Variants in CASZ1 observed in about 807,000 individuals in gnomAD.
CASZ1 encodes the protein zinc finger protein castor homolog 1.
A neutral mutation model predicts 135.2 loss-of-function variants in CASZ1; 28 were observed. That is an observed-to-expected ratio of 0.21 (90% CI 0.15 to 0.28). CASZ1 has a LOEUF of 0.28. Among genes scored for constraint, CASZ1 ranks in the 10% least tolerant of loss-of-function variants. The pLI is 1.00. For synonymous variants in CASZ1, 1,068 were observed against 1,073.4 expected, an observed-to-expected ratio of 0.99 and a Z score of 0.10; for missense variants, 2,161 against 2,453.3, an observed-to-expected ratio of 0.88 and a Z score of 2.52.
chr1:10,738,025 G>A (rs1343887955), intron 2 of CASZ1, among the ~76,000 whole-genome samples: 1 of 152,212 alleles, frequency 6.6e-6, no homozygotes, highest in Non-Finnish European at 1.5e-5. Context: ...AAGTGCCGGT[G>A]GGGCAGCCCC....
chr1:10,675,792 A>ACCCCCCCCCCC (rs373360825), intron 4 of CASZ1, among the ~76,000 whole-genome samples: 8 of 106,488 alleles, frequency 7.5e-5, no homozygotes, highest in Non-Finnish European at 1.2e-4. Context: ...CTAGCACATG[A>ACCCCCCCCCCC]CCCCCCCCCC....
At chr1:10,793,916 G>A (rs1641009863) in intron 1 of CASZ1, among the ~76,000 whole-genome samples, 1 of 152,158 alleles carries the variant, frequency 6.6e-6, no homozygotes, top group African/African-American at 2.4e-5. Flanking sequence ...GCGGGCGGCC[G>A]GAGATTGCGC....
chr1:10,660,882 C>G (rs1643001263), intron 5 of CASZ1: 1 of 287,692 alleles, frequency 3.5e-6, no homozygotes, highest in African/African-American at 2.2e-5. Context: ...AGTCATTTTA[C>G]TGGAAGTAAG....
chr1:10,669,188 G>A (rs945285009), intron 4 of CASZ1, among the ~76,000 whole-genome samples: 1 of 152,188 alleles, frequency 6.6e-6, no homozygotes, highest in Non-Finnish European at 1.5e-5. Context: ...TTTCATAGAG[G>A]AGGAGGCTGT....
At chr1:10,664,784 G>A (rs941664232) in intron 5 of CASZ1, among the ~76,000 whole-genome samples, 34 of 151,994 alleles carry the variant, frequency 2.2e-4, no homozygotes, top group Admixed American at 1.8e-3. Context: ...TATCCCATCC[G>A]TCTGTCTATC....
At chr1:10,690,724 T>C (rs1638739639) in intron 4 of CASZ1, among the ~76,000 whole-genome samples, 1 of 152,228 alleles carries the variant, frequency 6.6e-6, no homozygotes. Context: ...CTCTTGCCTC[T>C]TTGGCCCTTG....
chr1:10,768,520 T>C (rs1640519090), intron 1 of CASZ1, among the ~76,000 whole-genome samples: 1 of 152,068 alleles, frequency 6.6e-6, no homozygotes, highest in Non-Finnish European at 1.5e-5. Context: ...ACCTGGCCTA[T>C]TGTTCATTTT....
intron 2 of CASZ1, among the ~76,000 whole-genome samples, chr1:10,714,906 C>T (rs1639349846): frequency 6.6e-6 from 1 of 152,154 alleles, no homozygotes; most frequent in African/African-American, 2.4e-5. Flanking sequence ...CCAGCATTGG[C>T]CCTCCCCAAG....
intron 2 of CASZ1, among the ~76,000 whole-genome samples, chr1:10,728,773 G>A (rs1427181152): frequency 6.6e-6 from 1 of 151,986 alleles, no homozygotes; most frequent in Non-Finnish European, 1.5e-5. Context: ...GGGACAGCTG[G>A]GGGCCGGGCT....
chr1:10,709,427 C>T lies in CASZ1; in HGVS notation c.-76-3883G>A, dbSNP rs1056259743. Among the ~76,000 whole-genome samples the T allele has an allele frequency of 3.3e-5, 5 of 152,166 alleles. No homozygotes were observed. The highest frequency in any genetic ancestry group is 7.2e-5 in the African/African-American group (3 of 41,450). On this transcript the variant is annotated intron_variant, in intron 2 of 20. Transcript: ENST00000377022. This position sits in a 1 kb window ranked among gnomAD's most constrained non-coding sequence, Gnocchi z 5.1. ...GACAACAGGGGCAGCGTCATGGAAA[C>T]GGGCACTTTCCCGGAGAAATATTCT... is the stretch of plus-strand genomic sequence containing the variant.
intron 6 of CASZ1, among the ~76,000 whole-genome samples, chr1:10,659,253 A>C (rs978361416): frequency 6.6e-6 from 1 of 152,178 alleles, no homozygotes; most frequent in African/African-American, 2.4e-5. Flanking sequence ...GCGCCTTCTC[A>C]GCCAACCACA....
In CASZ1 at chr1:10,638,842, C is replaced by A. The variant is rs1382419462; in HGVS notation, c.*100G>T. The A allele has an allele frequency of 2.1e-6, 2 of 968,066 alleles. No homozygotes were observed. Among genetic ancestry groups the A allele is most frequent in the Non-Finnish European group, 2.5e-6 (2 of 815,050 alleles). 60.0% of individuals were successfully genotyped at this position (968,066 alleles called of 1,614,324 possible). On this transcript the variant is annotated 3_prime_UTR_variant, in exon 21 of 21. Coordinates refer to ENST00000377022, the MANE Select transcript of CASZ1 (RefSeq NM_001079843.3). This position sits in a 1 kb window ranked among gnomAD's most constrained non-coding sequence, Gnocchi z 5.9. The stretch of plus-strand genomic sequence containing the variant: ...AGACGGACTCGGGGTCCGGAAGCAC[C>A]GGCGGGGCGCGGGGCTCTGCCCAGG...
chr1:10,794,697 G>A lies in CASZ1; in HGVS notation c.-234+1867C>T, dbSNP rs1641030246. Among the ~76,000 whole-genome samples the A allele has an allele frequency of 6.6e-6, 1 of 152,162 alleles. No individual in the cohort carries two copies. Among genetic ancestry groups the A allele is most frequent in the African/African-American group, 2.4e-5 (1 of 41,416 alleles). ...CTCCCCCAACTCCGGACCCGGGTCG[G>A]GGATGACTTGGAAGAAGAATCTGCG... On this transcript the variant is annotated intron_variant, in intron 1 of 20. Coordinates refer to ENST00000377022, the MANE Select transcript of CASZ1 (RefSeq NM_001079843.3). This position sits in a 1 kb window ranked among gnomAD's most constrained non-coding sequence, Gnocchi z 5.6.
rs1204817838 is a variant in CASZ1 at position 10,638,034 on chromosome 1, C to T, written c.*908G>A. On this transcript the variant is annotated 3_prime_UTR_variant, in exon 21 of 21. Transcript: ENST00000377022. The surrounding 1 kb of genome is among the most constrained non-coding windows in gnomAD (Gnocchi z 5.9). ...CCTCTACAAAAACCCTGGACCAAATCCCACAGGATAAACGGGACTGAGCCT... is the reference window on the plus strand; with the variant it reads ...CCTCTACAAAAACCCTGGACCAAATTCCACAGGATAAACGGGACTGAGCCT... 6 of 152,590 alleles carry T rather than the reference C, an allele frequency of 3.9e-5. No individual in the cohort carries two copies. The East Asian group carries it at 9.7e-4, about 25-fold the overall frequency. 9.5% of individuals were successfully genotyped at this position (152,590 alleles called of 1,614,324 possible).
rs753158020 is a variant in CASZ1, at chr1:10,776,634, C to T, written c.-233-15777G>A. Reference sequence around the variant, plus strand: ...GGCTCTCCCTGGTACCAGCTAGGGGCGGGAGCTCCTGGGAGTCCTGGGGAA... The same window carrying T: ...GGCTCTCCCTGGTACCAGCTAGGGGTGGGAGCTCCTGGGAGTCCTGGGGAA... On this transcript the variant is annotated intron_variant, in intron 1 of 20. Transcript: ENST00000377022. This position sits in a 1 kb window ranked among gnomAD's most constrained non-coding sequence, Gnocchi z 4.1. Among the ~76,000 whole-genome samples the T allele has an allele frequency of 6.6e-5, 10 of 152,300 alleles. No homozygotes were observed. The highest frequency in any genetic ancestry group is 3.9e-4 in the East Asian group (2 of 5,186).
intron 19 of CASZ1, 66 bp downstream of exon 19, chr1:10,643,094 G>A (rs558914114): frequency 2.5e-6 from 4 of 1,596,048 alleles, no homozygotes; most frequent in South Asian, 1.1e-5. Context: ...AGGCCTGAGA[G>A]TGAGCGTGGG....
intron 2 of CASZ1, among the ~76,000 whole-genome samples, chr1:10,710,818 A>G (rs750499659): frequency 3.3e-5 from 5 of 152,278 alleles, no homozygotes; most frequent in Non-Finnish European, 5.9e-5. Flanking sequence ...ACGCTGTGCC[A>G]GGCACAAGGA....
intron 4 of CASZ1, among the ~76,000 whole-genome samples, chr1:10,675,745 C>T (rs545717308): frequency 1.3e-5 from 2 of 152,186 alleles, no homozygotes; most frequent in South Asian, 4.2e-4. Flanking sequence ...CTCCTGGCCC[C>T]TATTAAGCAT....
chr1:10,708,980 G>GGC (rs1639230432), intron 2 of CASZ1, among the ~76,000 whole-genome samples: 1 of 119,760 alleles, frequency 8.4e-6, no homozygotes, highest in African/African-American at 3.2e-5. Context: ...GAGGGGGGGG[G>GGC]CCATGGGTGA....
Sources: gnomAD v4.1 joint callset for allele counts (sites outside exome capture counted in the v4.1 genomes callset) on GRCh38, gnomAD v4.1.1 for gene constraint, Gnocchi (gnomAD v3.1) non-coding constraint, MANE v1.5 for transcripts, NCBI Gene and HGNC (gene_info 2026-07-23, HGNC 2026-07-21) for gene names.